The following CTNNBIP1 variants were observed in gnomAD, a reference collection of about 807,000 sequenced individuals.
The protein encoded by CTNNBIP1 is catenin beta interacting protein 1, also known as beta-catenin-interacting protein 1.
In CTNNBIP1, 7 loss-of-function variants were observed where a neutral mutation model predicts 11.8. The ratio of observed to expected loss-of-function variants is 0.60; its 90% CI spans 0.34 to 1.12. The LOEUF (loss-of-function observed/expected upper bound fraction) is 1.12, where lower values mean the gene tolerates loss of function less well. Ranked by LOEUF, CTNNBIP1 falls within the 50% of genes most tolerant of loss-of-function variation. CTNNBIP1 has a pLI of 0.03. For missense variants in CTNNBIP1, 101 were observed against 113.4 expected, an observed-to-expected ratio of 0.89 and a Z score of 0.50; for synonymous variants, 58 against 43.9, an observed-to-expected ratio of 1.32 and a Z score of -1.26.
intron 5 of CTNNBIP1, among the ~76,000 whole-genome samples, chr1:9,862,960 G>C (rs1158213231): frequency 1.3e-5 from 2 of 152,210 alleles, no homozygotes; most frequent in African/African-American, 2.4e-5. Context: ...GGGCTTGAGG[G>C]GGGAAGTGTA....
chr1:9,876,770 T>C (rs949039472), intron 3 of CTNNBIP1, among the ~76,000 whole-genome samples: 10 of 151,624 alleles, frequency 6.6e-5, no homozygotes, highest in Non-Finnish European at 8.8e-5. Context: ...TGACATCTGA[T>C]TGGGGCAAAT....
At position 9,894,910 on chromosome 1, in the gene CTNNBIP1, T is replaced by TTATTA. The variant is rs1639379223; in HGVS notation, c.-143-11173_-143-11172insTAATA. On this transcript the variant is annotated intron_variant, in intron 1 of 5. Coordinates refer to ENST00000377263, the MANE Select transcript of CTNNBIP1 (RefSeq NM_020248.3). Reference sequence around the variant, plus strand: ...TGTGACTGCCATGCCTGGCTATTTTTTTTTTTTTTTTTTTTGAGACAGAGT... The same window carrying TTATTA: ...TGTGACTGCCATGCCTGGCTATTTTTTATTATTTTTTTTTTTTTTTGAGACAGAGT... 2.8e-5 allele frequency among the ~76,000 whole-genome samples: 4 copies of TTATTA among 145,184 alleles called. 1 individual carries two copies. The South Asian group carries it at 9.0e-4, about 33-fold the overall frequency.
At chr1:9,896,419 C>T (rs982246225) in intron 1 of CTNNBIP1, among the ~76,000 whole-genome samples, 1 of 152,198 alleles carries the variant, frequency 6.6e-6, no homozygotes, top group Non-Finnish European at 1.5e-5. Context: ...TAGAAGTCAG[C>T]CGGGTGCAGT....
At chr1:9,906,934 T>G (rs1355629136) in intron 1 of CTNNBIP1, among the ~76,000 whole-genome samples, 1 of 152,092 alleles carries the variant, frequency 6.6e-6, no homozygotes, top group Non-Finnish European at 1.5e-5. Flanking sequence ...TCAGAAAGCT[T>G]AGAGTCACAT....
Position 9,850,361 on chromosome 1 carries a change from A to C in CTNNBIP1, c.*357T>G, listed in dbSNP as rs1164940390. 4.9e-6 allele frequency: 1 copy of C among 205,418 alleles called. No individual in the cohort carries two copies. The highest frequency in any genetic ancestry group is 5.4e-5 in the Admixed American group (1 of 18,490). The allele number at this position is 205,418 out of a possible 1,614,324, so 12.7% of individuals were successfully genotyped here. On this transcript the variant is annotated 3_prime_UTR_variant, in exon 6 of 6. Coordinates refer to ENST00000377263, the MANE Select transcript of CTNNBIP1 (RefSeq NM_020248.3). ...CATTTCTAAAAAAATGACCTAACTA[A>C]AGCACCAGAGCTCGGAGAGCTTCCA...
chr1:9,888,089 GC>G (rs1639221852), intron 1 of CTNNBIP1, among the ~76,000 whole-genome samples: 1 of 151,680 alleles, frequency 6.6e-6, no homozygotes, highest in African/African-American at 2.4e-5. Context: ...CTCCCAAAGT[GC>G]TGGAATTACA....
At chr1:9,865,250 A>G (rs946114599) in intron 5 of CTNNBIP1, among the ~76,000 whole-genome samples, 6 of 149,424 alleles carry the variant, frequency 4.0e-5, no homozygotes, top group Non-Finnish European at 7.4e-5. Context: ...AAAAAGTTTT[A>G]TTGGAAATTA....
intron 1 of CTNNBIP1, among the ~76,000 whole-genome samples, chr1:9,892,701 G>A (rs1477150327): frequency 2.0e-5 from 3 of 152,032 alleles, no homozygotes; most frequent in African/African-American, 7.2e-5. Context: ...TGTTTACTTC[G>A]CAAATACACC....
chr1:9,850,879 G>T, intron 5 of CTNNBIP1, 103 bp from the exon 6 acceptor site: 1 of 1,044,074 alleles, frequency 9.6e-7, no homozygotes, highest in Non-Finnish European at 1.5e-6. Flanking sequence ...CGCCCACCAG[G>T]ATCGCGGCAC....
In CTNNBIP1 at chr1:9,849,604, CT is replaced by C. The variant is rs1227237844; in HGVS notation, c.*1113del. The C allele has an allele frequency of 2.0e-5, 3 of 152,244 alleles. No individual in the cohort carries two copies. Among genetic ancestry groups the C allele is most frequent in the African/African-American group, 7.2e-5 (3 of 41,466 alleles). The allele number at this position is 152,244 out of a possible 1,614,324, so 9.4% of individuals were successfully genotyped here. ...ACCTCCGCCAGATGACCTCCAGAGT[CT>C]TTGGGGTCTCACACTGGGAGAAGCT... On this transcript the variant is annotated 3_prime_UTR_variant, in exon 6 of 6. Coordinates refer to ENST00000377263, the MANE Select transcript of CTNNBIP1 (RefSeq NM_020248.3).
chr1:9,893,925 G>C (rs1297933224), intron 1 of CTNNBIP1, among the ~76,000 whole-genome samples: 1 of 152,166 alleles, frequency 6.6e-6, no homozygotes. Context: ...CTAAGAGAGA[G>C]GGAAACTGAC....
At chr1:9,879,089 TGG>T (rs1356380825) in intron 2 of CTNNBIP1, among the ~76,000 whole-genome samples, 6 of 151,770 alleles carry the variant, frequency 4.0e-5, no homozygotes, top group Non-Finnish European at 7.4e-5. Flanking sequence ...CCCAGCTACT[TGG>T]GAGGCTGAGG....
intron 5 of CTNNBIP1, among the ~76,000 whole-genome samples, chr1:9,863,936 G>A (rs1302192835): frequency 1.3e-5 from 2 of 152,148 alleles, no homozygotes; most frequent in Non-Finnish European, 2.9e-5. Flanking sequence ...AGGAGAGGCC[G>A]TTTCCTTACA....
intron 1 of CTNNBIP1, among the ~76,000 whole-genome samples, chr1:9,897,651 CAA>C (rs1257046040): frequency 7.6e-6 from 1 of 130,732 alleles, no homozygotes. Context: ...GACTCCGTTT[CAA>C]AAAAAAAAAA....
intron 1 of CTNNBIP1, among the ~76,000 whole-genome samples, chr1:9,888,966 C>T (rs534993188): frequency 6.5e-4 from 99 of 152,322 alleles, no homozygotes; most frequent in Non-Finnish European, 7.5e-4. Context: ...CCAGCTGAGC[C>T]GCCTACCTAC....
rs145508253 is a variant in CTNNBIP1, at chr1:9,867,700, C to G, written c.187+3487G>C. ...CACGCCAGGCCATTACCCACAGGCTCCAGGCCTTTGGGGTTCATTATGGCA... is the reference window on the plus strand; with the variant it reads ...CACGCCAGGCCATTACCCACAGGCTGCAGGCCTTTGGGGTTCATTATGGCA... On this transcript the variant is annotated intron_variant, in intron 5 of 5. Coordinates refer to ENST00000377263, the MANE Select transcript of CTNNBIP1 (RefSeq NM_020248.3). The surrounding 1 kb of genome is among the most constrained non-coding windows in gnomAD (Gnocchi z 4.6). Among the ~76,000 whole-genome samples, 1,308 of 152,304 alleles carry G rather than the reference C, an allele frequency of 8.6e-3. 25 individuals are homozygous for G. Among genetic ancestry groups the G allele is most frequent in the African/African-American group, 0.03 (1,227 of 41,560 alleles).
At chr1:9,897,988 C>A (rs1255487290) in intron 1 of CTNNBIP1, among the ~76,000 whole-genome samples, 4 of 150,864 alleles carry the variant, frequency 2.7e-5, no homozygotes, top group Non-Finnish European at 5.9e-5. Context: ...GGCGTGCTGG[C>A]ACACGCCTGT....
At chr1:9,905,082 C>A (rs1438733696) in intron 1 of CTNNBIP1, among the ~76,000 whole-genome samples, 1 of 152,170 alleles carries the variant, frequency 6.6e-6, no homozygotes, top group Non-Finnish European at 1.5e-5. Context: ...AGCCGCTCTT[C>A]GTAATGTCCT....
At chr1:9,894,564 G>A (rs1445621365) in intron 1 of CTNNBIP1, among the ~76,000 whole-genome samples, 1 of 151,150 alleles carries the variant, frequency 6.6e-6, no homozygotes, top group Non-Finnish European at 1.5e-5. Context: ...GTCTCACCCT[G>A]TCACCCAGGC....
Sources: allele counts gnomAD v4.1 joint callset (sites outside exome capture counted in the v4.1 genomes callset), GRCh38; gene constraint gnomAD v4.1.1; non-coding constraint Gnocchi (gnomAD v3.1); transcripts MANE v1.5; gene names NCBI Gene and HGNC (gene_info 2026-07-23, HGNC 2026-07-21).